SAMMSON: variants seen among roughly 807,000 people sequenced by gnomAD.
SAMMSON encodes survival associated mitochondrial melanoma specific oncogenic non-coding RNA, also known as long intergenic non-protein coding RNA 1212.
intron 4 of SAMMSON, among the ~76,000 whole-genome samples, chr3:70,198,101 T>A (rs1701198831): frequency 6.6e-6 from 1 of 152,176 alleles, no homozygotes; most frequent in African/African-American, 2.4e-5. Flanking sequence ...AATGTGTGAG[T>A]GCTTTGTAAA....
chr3:70,184,843 G>T (rs149051814), intron 4 of SAMMSON, among the ~76,000 whole-genome samples: 1 of 152,156 alleles, frequency 6.6e-6, no homozygotes, highest in African/African-American at 2.4e-5. Context: ...TTACCTCTCA[G>T]GTTGTCAGGT....
At chr3:70,242,595 G>C (rs1701674235) in intron 4 of SAMMSON, among the ~76,000 whole-genome samples, 1 of 152,168 alleles carries the variant, frequency 6.6e-6, no homozygotes, top group South Asian at 2.1e-4. Flanking sequence ...AATTCATTGT[G>C]CCCATTATAT....
intron 6 of SAMMSON, among the ~76,000 whole-genome samples, chr3:70,279,375 T>A (rs759006928): frequency 2.0e-5 from 3 of 152,158 alleles, no homozygotes; most frequent in Non-Finnish European, 4.4e-5. Flanking sequence ...AATGGTCATT[T>A]GATTAACTAC....
At chr3:70,039,295 T>C (rs2067097340) in intron 3 of SAMMSON, among the ~76,000 whole-genome samples, 1 of 152,070 alleles carries the variant, frequency 6.6e-6, no homozygotes, top group Admixed American at 6.6e-5. Context: ...TAATAGCTAA[T>C]TTTATGTGCC....
chr3:70,353,088 T>C (rs1702804746), intron 7 of SAMMSON, among the ~76,000 whole-genome samples: 1 of 152,014 alleles, frequency 6.6e-6, no homozygotes, highest in Non-Finnish European at 1.5e-5. Context: ...ATTTATCTTA[T>C]AACCTATCAA....
intron 1 of SAMMSON, chr3:70,009,227 C>A (rs1173444967): frequency 6.6e-6 from 1 of 152,046 alleles, no homozygotes; most frequent in Non-Finnish European, 1.5e-5. Flanking sequence ...CCAGCTCCTC[C>A]TTGTACCTCT....
intron 9 of SAMMSON, among the ~76,000 whole-genome samples, chr3:70,381,822 A>C (rs988245062): frequency 6.6e-6 from 1 of 152,146 alleles, no homozygotes; most frequent in African/African-American, 2.4e-5. Context: ...GACAGGAAAA[A>C]AAGGAGATTT....
intron 2 of SAMMSON, among the ~76,000 whole-genome samples, chr3:70,412,337 G>A (rs1220184247): frequency 1.3e-5 from 2 of 152,062 alleles, no homozygotes; most frequent in East Asian, 1.9e-4. Context: ...TTTTCTTAAT[G>A]CATAGTACAT....
At chr3:70,314,639 C>T (rs1238993266) in intron 7 of SAMMSON, among the ~76,000 whole-genome samples, 3 of 152,066 alleles carry the variant, frequency 2.0e-5, no homozygotes, top group Admixed American at 6.6e-5. Flanking sequence ...GCCAGGGACA[C>T]GGCTGAAGCT....
intron 4 of SAMMSON, among the ~76,000 whole-genome samples, chr3:70,203,812 G>C (rs1444507464): frequency 6.6e-6 from 1 of 151,860 alleles, no homozygotes; most frequent in Non-Finnish European, 1.5e-5. Flanking sequence ...ATTTTTAAGG[G>C]GACTGTTTTC....
At chr3:70,053,282 C>T (rs1248008839) in intron 3 of SAMMSON, among the ~76,000 whole-genome samples, 1 of 152,116 alleles carries the variant, frequency 6.6e-6, no homozygotes, top group East Asian at 1.9e-4. Flanking sequence ...ATTACATTAA[C>T]CACTGCTCAC....
chr3:70,146,208 T>A (rs542479315), intron 4 of SAMMSON, among the ~76,000 whole-genome samples: 1 of 152,166 alleles, frequency 6.6e-6, no homozygotes, highest in East Asian at 1.9e-4. Flanking sequence ...GAAAAAGAAC[T>A]CTTCAGACCC....
chr3:70,377,892 A>G (rs930279346), intron 9 of SAMMSON, among the ~76,000 whole-genome samples: 1 of 152,062 alleles, frequency 6.6e-6, no homozygotes, highest in Non-Finnish European at 1.5e-5. Context: ...TTATTTCATT[A>G]ATATCAATGT....
chr3:70,417,312 G>C (rs1701271542), intron 2 of SAMMSON, among the ~76,000 whole-genome samples: 1 of 152,122 alleles, frequency 6.6e-6, no homozygotes, highest in Non-Finnish European at 1.5e-5. Flanking sequence ...TTAACTTAAA[G>C]AGCCATAGAC....
At chr3:70,407,031 T>TG (rs1701183211) in intron 2 of SAMMSON, among the ~76,000 whole-genome samples, 1 of 152,198 alleles carries the variant, frequency 6.6e-6, no homozygotes, top group Non-Finnish European at 1.5e-5. Flanking sequence ...TACATGTTGT[T>TG]GGCAAGAGAA....
At chr3:70,308,347 A>C (rs1702422775) in intron 7 of SAMMSON, among the ~76,000 whole-genome samples, 1 of 152,154 alleles carries the variant, frequency 6.6e-6, no homozygotes, top group South Asian at 2.1e-4. Flanking sequence ...ATGAGTCACT[A>C]TGCTGAGCAA....
chr3:70,337,187 G>C lies in SAMMSON; in HGVS notation n.740-16988G>C, dbSNP rs114612848. 4.5e-3 allele frequency among the ~76,000 whole-genome samples: 583 copies of C among 129,714 alleles called. 19 individuals are homozygous for C. The highest frequency in any genetic ancestry group is 0.01 in the South Asian group (38 of 3,786). The allele number at this position is 129,714 out of a possible 152,430, so 85.1% of individuals were successfully genotyped here. On this transcript the variant is annotated intron_variant and non_coding_transcript_variant, in intron 7 of 9. Coordinates refer to ENST00000642114, the Ensembl canonical transcript of SAMMSON. ...TAACTTAATATAATATTAATAATAT[G>C]TAACTTAATAATATATAATCTAACT...
chr3:70,046,791 C>G (rs1002687324), intron 3 of SAMMSON, among the ~76,000 whole-genome samples: 1 of 152,066 alleles, frequency 6.6e-6, no homozygotes, highest in Admixed American at 6.5e-5. Context: ...TATGTCTTTG[C>G]TTTTTCCTGC....
chr3:70,057,277 C>T (rs779157244), intron 3 of SAMMSON, among the ~76,000 whole-genome samples: 26 of 151,986 alleles, frequency 1.7e-4, no homozygotes, highest in Non-Finnish European at 3.2e-4. Flanking sequence ...ATCTTACCCC[C>T]TTCCCTCTCT....
Sources: gnomAD v4.1 joint callset for allele counts (sites outside exome capture counted in the v4.1 genomes callset) on GRCh38, gnomAD v4.1.1 for gene constraint, MANE v1.5 for transcripts, NCBI Gene and HGNC (gene_info 2026-07-23, HGNC 2026-07-21) for gene names.